Variants in RALYL observed in about 807,000 individuals in gnomAD.
RALYL encodes RALY RNA binding protein like.
Under a neutral mutation model 35.1 loss-of-function variants are expected in RALYL, and 29 were observed. The observed-to-expected ratio is 0.83, with a 90% CI of 0.61 to 1.13. The LOEUF is 1.13. Ranked by LOEUF, RALYL falls within the 50% of genes most tolerant of loss-of-function variation. RALYL has a pLI of 0.00. For missense variants in RALYL, 359 were observed against 360.4 expected (o/e 1.00, Z 0.03); for synonymous variants, 120 against 127.6 (o/e 0.94, Z 0.40).
At chr8:84,663,322 G>A (rs1052857023) in intron 2 of RALYL, among the ~76,000 whole-genome samples, 1 of 152,124 alleles carries the variant, frequency 6.6e-6, no homozygotes, top group Admixed American at 6.6e-5. Flanking sequence ...ATAATAGAAT[G>A]ATGTATATTC....
At chr8:84,521,159 C>T (rs1440877943) in intron 1 of RALYL, among the ~76,000 whole-genome samples, 2 of 152,072 alleles carry the variant, frequency 1.3e-5, no homozygotes, top group Non-Finnish European at 2.9e-5. Flanking sequence ...GCGTGAAGAT[C>T]CCATAATAGG....
chr8:84,331,968 T>C (rs1311289917), intron 1 of RALYL, among the ~76,000 whole-genome samples: 2 of 152,156 alleles, frequency 1.3e-5, no homozygotes, highest in East Asian at 1.9e-4. Context: ...TATATGTTTA[T>C]GTTACGAGGT....
At chr8:84,619,528 G>A (rs368214142) in intron 2 of RALYL, among the ~76,000 whole-genome samples, 1 of 145,244 alleles carries the variant, frequency 6.9e-6, no homozygotes, top group Non-Finnish European at 1.5e-5. Context: ...GCACACTGAT[G>A]GGTCTTGACT....
intron 1 of RALYL, among the ~76,000 whole-genome samples, chr8:84,221,136 G>C (rs1822101638): frequency 6.6e-6 from 1 of 151,888 alleles, no homozygotes; most frequent in Non-Finnish European, 1.5e-5. Flanking sequence ...CCTTAGTTTT[G>C]CTTCAGCTAT....
At chr8:84,342,523 G>C (rs1849055950) in intron 1 of RALYL, among the ~76,000 whole-genome samples, 1 of 151,398 alleles carries the variant, frequency 6.6e-6, no homozygotes, top group Admixed American at 6.6e-5. Context: ...CTATTATCTA[G>C]AAAAATCACT....
rs1470497911 is a variant in RALYL at position 84,442,464 on chromosome 8, C to T, written c.-23-86835C>T. Among the ~76,000 whole-genome samples the T allele has an allele frequency of 1.8e-4, 27 of 151,934 alleles. 1 individual carries two copies. Among genetic ancestry groups the T allele is most frequent in the Admixed American group, 1.8e-3 (27 of 15,248 alleles). ...TCCTACAACCACCATTTTTGCTTGCCTTCTACATGGGAGGAACTATGAAAG... is the reference window on the plus strand; with the variant it reads ...TCCTACAACCACCATTTTTGCTTGCTTTCTACATGGGAGGAACTATGAAAG... On this transcript the variant is annotated intron_variant, in intron 1 of 8. Coordinates refer to ENST00000521268, the MANE Select transcript of RALYL (RefSeq NM_173848.7).
chr8:84,631,174 C>A (rs935296213), intron 2 of RALYL, among the ~76,000 whole-genome samples: 1 of 152,076 alleles, frequency 6.6e-6, no homozygotes, highest in East Asian at 1.9e-4. Context: ...TGCATTTCAG[C>A]AAGGTCTTTG....
intron 2 of RALYL, among the ~76,000 whole-genome samples, chr8:84,713,817 G>C (rs964463569): frequency 2.7e-5 from 4 of 150,514 alleles, no homozygotes; most frequent in African/African-American, 7.4e-5. Context: ...CAAAAGTCAA[G>C]ATTGGAATCA....
chr8:84,752,193 AG>A, intron 2 of RALYL, among the ~76,000 whole-genome samples: 1 of 152,334 alleles, frequency 6.6e-6, no homozygotes, highest in Non-Finnish European at 1.5e-5. Context: ...GTATTAGCAA[AG>A]AATCTGGCAG....
chr8:84,416,768 C>T (rs980212951), intron 1 of RALYL, among the ~76,000 whole-genome samples: 2 of 152,022 alleles, frequency 1.3e-5, no homozygotes, highest in African/African-American at 2.4e-5. Context: ...CTTTTTACTC[C>T]TAAATGCATT....
At chr8:84,764,591 C>T (rs978527637) in intron 2 of RALYL, among the ~76,000 whole-genome samples, 8 of 152,202 alleles carry the variant, frequency 5.3e-5, no homozygotes, top group East Asian at 1.9e-4. Flanking sequence ...GCAGACACAG[C>T]CTGGGAGCAT....
intron 1 of RALYL, among the ~76,000 whole-genome samples, chr8:84,451,478 C>T (rs553218085): frequency 6.0e-4 from 91 of 151,934 alleles, no homozygotes; most frequent in African/African-American, 2.1e-3. Flanking sequence ...TATTTATTTT[C>T]ATTTATATAC....
intron 8 of RALYL, among the ~76,000 whole-genome samples, chr8:84,914,733 A>AT (rs894858024): frequency 6.6e-6 from 1 of 152,068 alleles, no homozygotes; most frequent in African/African-American, 2.4e-5. Flanking sequence ...AATTAAAATG[A>AT]TTTTTAATTA....
intron 1 of RALYL, among the ~76,000 whole-genome samples, chr8:84,391,725 C>G (rs1860742943): frequency 6.6e-6 from 1 of 151,956 alleles, no homozygotes; most frequent in Admixed American, 6.6e-5. Context: ...TCTTTACCCC[C>G]CAGTAAGTGA....
intron 1 of RALYL, among the ~76,000 whole-genome samples, chr8:84,326,121 C>G (rs1845749966): frequency 6.6e-6 from 1 of 152,040 alleles, no homozygotes. Context: ...CAAAACAAAG[C>G]AAAACAATAA....
At chr8:84,701,812 G>T (rs1840252868) in intron 2 of RALYL, among the ~76,000 whole-genome samples, 1 of 152,150 alleles carries the variant, frequency 6.6e-6, no homozygotes, top group African/African-American at 2.4e-5. Flanking sequence ...CTCCTAGAAG[G>T]TAGTTTAGCA....
At chr8:84,239,584 G>T (rs564291754) in intron 1 of RALYL, among the ~76,000 whole-genome samples, 1 of 152,086 alleles carries the variant, frequency 6.6e-6, no homozygotes, top group East Asian at 1.9e-4. Context: ...TAGCTGCCAG[G>T]GTTTACATTA....
intron 1 of RALYL, among the ~76,000 whole-genome samples, chr8:84,230,161 T>G (rs117043204): frequency 0.016 from 2,420 of 152,246 alleles, 31 homozygotes; most frequent in South Asian, 0.028. Flanking sequence ...TATATAAGTA[T>G]AGAAATAGCT....
intron 2 of RALYL, among the ~76,000 whole-genome samples, chr8:84,683,598 CAACTACATCTATACAG>C (rs1836105674): frequency 1.3e-5 from 2 of 152,150 alleles, no homozygotes; most frequent in African/African-American, 4.8e-5. Context: ...ATGGTTAGCA[CAACTACATCTATACAG>C]CACTGGGGCT....
Sources: allele counts gnomAD v4.1 joint callset (sites outside exome capture counted in the v4.1 genomes callset), GRCh38; gene constraint gnomAD v4.1.1; transcripts MANE v1.5; gene names NCBI Gene and HGNC (gene_info 2026-07-23, HGNC 2026-07-21).